PDIA6: variants seen among roughly 807,000 people sequenced by gnomAD.
PDIA6 encodes the protein protein disulfide-isomerase A6.
A neutral mutation model predicts 58.4 loss-of-function variants in PDIA6; 29 were observed. The observed-to-expected ratio is 0.50, with a 90% CI of 0.37 to 0.68. The LOEUF (loss-of-function observed/expected upper bound fraction) is 0.68, where lower values mean the gene tolerates loss of function less well. PDIA6 is among the 30% of genes least tolerant of loss of function. PDIA6 has a pLI of 0.00. For synonymous variants in PDIA6, 192 were observed against 202.6 expected (o/e 0.95, Z 0.44); for missense variants, 480 against 551.0 (o/e 0.87, Z 1.29).
chr2:10,786,532 G>T (rs763813874), intron 11 of PDIA6, among the ~76,000 whole-genome samples: 1 of 124,534 alleles, frequency 8.0e-6, no homozygotes, highest in Admixed American at 7.3e-5. Context: ...ACACACACAC[G>T]TCTCCACACA....
At chr2:10,829,438 A>G (rs1686486) in intron 1 of PDIA6, among the ~76,000 whole-genome samples, 85,896 of 152,148 alleles carry the variant, frequency 0.56, 25,644 homozygotes, top group East Asian at 0.8. Flanking sequence ...GCTATTGCCT[A>G]TAATTTGGCC....
rs550184829 is a variant in PDIA6 at position 10,784,217 on chromosome 2, T to A, written c.*41A>T. ...TTCACTGCTGGAAAAATCCACTGGCTCCCAAGAAAAGAAAATGGTCTGAAG... is the reference window on the plus strand; with the variant it reads ...TTCACTGCTGGAAAAATCCACTGGCACCCAAGAAAAGAAAATGGTCTGAAG... On this transcript the variant is annotated 3_prime_UTR_variant, in exon 13 of 13. Transcript: ENST00000272227. The A allele has an allele frequency of 1.3e-6, 2 of 1,530,268 alleles. No homozygotes were observed. 94.8% of individuals were successfully genotyped at this position (1,530,268 alleles called of 1,614,324 possible).
upstream of PDIA6, chr2:10,812,923 G>T: frequency 1.0e-6 from 1 of 959,272 alleles, no homozygotes; most frequent in Non-Finnish European, 1.3e-6. Context: ...GCCGGGTAGA[G>T]GTTACCGGTT....
intron 2 of PDIA6, among the ~76,000 whole-genome samples, chr2:10,818,558 G>C (rs574030627): frequency 6.8e-6 from 1 of 147,698 alleles, no homozygotes; most frequent in South Asian, 2.1e-4. Context: ...TTTTGCTCTT[G>C]TTGCCCAGGC....
In PDIA6 at chr2:10,809,494, G is replaced by A. The variant is rs538731863; in HGVS notation, c.19+3184C>T. Reference sequence around the variant, plus strand: ...AGTTTGAGACCAGCCTGGGCAACATGGCAAAACTCCATCTCTTGTAGAGAA... The same window carrying A: ...AGTTTGAGACCAGCCTGGGCAACATAGCAAAACTCCATCTCTTGTAGAGAA... On this transcript the variant is annotated intron_variant, in intron 1 of 12. Transcript: ENST00000272227. 1.1e-3 allele frequency among the ~76,000 whole-genome samples: 161 copies of A among 151,956 alleles called. 3 individuals are homozygous for A. The South Asian group carries it at 0.03, about 28-fold the overall frequency.
chr2:10,798,015 G>A (rs1163084648), intron 2 of PDIA6, among the ~76,000 whole-genome samples: 5 of 152,028 alleles, frequency 3.3e-5, no homozygotes, highest in Admixed American at 6.6e-5. Flanking sequence ...GTGAAACCCC[G>A]TCTCTAATAA....
Position 10,785,011 on chromosome 2 carries a change from C to T in PDIA6, c.1177G>A (p.Gly393Ser), listed in dbSNP as rs1458717521. 1 of 1,581,710 alleles carries T rather than the reference C, an allele frequency of 6.3e-7. No homozygotes were observed. The highest frequency in any genetic ancestry group is 2.3e-5 in the East Asian group (1 of 43,532). The change falls in exon 12 of 13, where the codon GGC becomes AGC. Residue 393 changes from glycine to serine, a missense_variant. Transcript: ENST00000272227. ...EFLRELSFGRGSTAPVGGGAF... is the reference protein window; with the variant it reads ...EFLRELSFGRSSTAPVGGGAF... Reference sequence around the variant, plus strand: ...CCGCCTCCTACAGGTGCCGTGGAGCCACGCCCAAAAGAGAGCTCCCTTAGG... The same window carrying T: ...CCGCCTCCTACAGGTGCCGTGGAGCTACGCCCAAAAGAGAGCTCCCTTAGG...
upstream of PDIA6, among the ~76,000 whole-genome samples, chr2:10,814,878 C>T (rs1447243694): frequency 6.6e-6 from 1 of 152,186 alleles, no homozygotes; most frequent in Non-Finnish European, 1.5e-5. Flanking sequence ...CCTCGAACTG[C>T]GGTGGCCCAC....
At chr2:10,830,365 G>C (rs112510815) in intron 1 of PDIA6, among the ~76,000 whole-genome samples, 2,567 of 152,366 alleles carry the variant, frequency 0.017, 89 homozygotes, top group African/African-American at 0.059. Flanking sequence ...GTTTGAACTG[G>C]TGGAACTCAG....
intron 4 of PDIA6, among the ~76,000 whole-genome samples, chr2:10,793,451 G>T (rs182733166): frequency 1.1e-4 from 17 of 152,260 alleles, no homozygotes; most frequent in African/African-American, 3.6e-4. Context: ...GTCTCACCCT[G>T]TTGCCCAGGC....
At chr2:10,833,464 G>A (rs533010477), upstream of PDIA6, among the ~76,000 whole-genome samples, 1 of 152,182 alleles carries the variant, frequency 6.6e-6, no homozygotes, top group Non-Finnish European at 1.5e-5. Context: ...TCACCACAGT[G>A]GGGTAATAAG....
chr2:10,812,871 G>C, upstream of PDIA6: 1 of 1,159,748 alleles, frequency 8.6e-7, no homozygotes, highest in Non-Finnish European at 1.1e-6. Flanking sequence ...CGGCTCATTG[G>C]TCCGGGCGGA....
At chr2:10,813,982 C>T (rs1014325113), upstream of PDIA6, among the ~76,000 whole-genome samples, 1 of 152,170 alleles carries the variant, frequency 6.6e-6, no homozygotes, top group African/African-American at 2.4e-5. Flanking sequence ...GCTTCGGCCT[C>T]CCAAAATGCT....
intron 1 of PDIA6, among the ~76,000 whole-genome samples, chr2:10,806,982 G>A (rs943963198): frequency 3.9e-5 from 6 of 152,128 alleles, no homozygotes; most frequent in Non-Finnish European, 7.3e-5. Flanking sequence ...TGAAGAAATC[G>A]TCTGATACAA....
chr2:10,812,839 G>C (rs1026291428), upstream of PDIA6: 1 of 1,170,238 alleles, frequency 8.5e-7, no homozygotes, highest in African/African-American at 1.6e-5. Context: ...CGGGCCGGAA[G>C]GCGCTCGCCA....
intron 1 of PDIA6, among the ~76,000 whole-genome samples, chr2:10,808,893 T>C (rs1375236788): frequency 1.3e-5 from 2 of 152,194 alleles, no homozygotes; most frequent in African/African-American, 4.8e-5. Flanking sequence ...TGGTGCAATC[T>C]TGGCTCACTG....
chr2:10,809,645 CAAAAAAAAAAAAA>C (rs56308831), intron 1 of PDIA6, among the ~76,000 whole-genome samples: 5 of 64,672 alleles, frequency 7.7e-5, no homozygotes, highest in Admixed American at 2.7e-4. Context: ...GACCCGGTCT[CAAAAAAAAAAAAA>C]AAAAAAAAAA....
chr2:10,835,822 G>A (rs1273032167), upstream of PDIA6, among the ~76,000 whole-genome samples: 1 of 152,150 alleles, frequency 6.6e-6, no homozygotes, highest in African/African-American at 2.4e-5. Context: ...AGACCGAGGC[G>A]GGCGGATCAT....
chr2:10,789,978 TA>T (rs1172052727), intron 7 of PDIA6, 89 bp from the exon 8 acceptor site: 2 of 1,129,266 alleles, frequency 1.8e-6, no homozygotes, highest in African/African-American at 3.5e-5. Flanking sequence ...ACCTTATAGG[TA>T]ATTTTTTTTT....
Sources: gnomAD v4.1 joint callset for allele counts (sites outside exome capture counted in the v4.1 genomes callset) on GRCh38, gnomAD v4.1.1 for gene constraint, MANE v1.5 for transcripts, NCBI Gene and HGNC (gene_info 2026-07-23, HGNC 2026-07-21) for gene names.